Variants in DCDC1 observed in about 807,000 individuals in gnomAD.
The protein encoded by DCDC1 is doublecortin domain-containing protein 1.
In DCDC1, 200 loss-of-function variants were observed where a neutral mutation model predicts 178.3. The ratio of observed to expected loss-of-function variants is 1.12; its 90% CI spans 1.00 to 1.26. The LOEUF is 1.26. DCDC1 is among the 50% of genes most tolerant of loss of function. The pLI, the probability that DCDC1 is intolerant of heterozygous loss-of-function variation, is 0.00. For synonymous variants in DCDC1, 690 were observed against 604.8 expected (o/e 1.14, Z -2.07); for missense variants, 1,983 against 1,749.2 (o/e 1.13, Z -2.38).
chr11:31,228,850 C>T (rs1975367801), intron 9 of DCDC1, among the ~76,000 whole-genome samples: 1 of 151,786 alleles, frequency 6.6e-6, no homozygotes, highest in South Asian at 2.1e-4. Flanking sequence ...AATTATGTAA[C>T]ATAAATAGCT....
chr11:31,042,341 C>G (rs2135356400), intron 20 of DCDC1, among the ~76,000 whole-genome samples: 1 of 152,314 alleles, frequency 6.6e-6, no homozygotes, highest in Admixed American at 6.5e-5. Context: ...GTAATAACCA[C>G]ATATCCGATT....
chr11:30,887,424 C>A (rs917186304), intron 36 of DCDC1, among the ~76,000 whole-genome samples: 1 of 152,122 alleles, frequency 6.6e-6, no homozygotes, highest in Non-Finnish European at 1.5e-5. Context: ...AAATTGGCTT[C>A]TTTTAACAGA....
chr11:30,918,169 T>C (rs757984794), intron 25 of DCDC1, among the ~76,000 whole-genome samples: 56 of 152,260 alleles, frequency 3.7e-4, no homozygotes, highest in Admixed American at 1.6e-3. Flanking sequence ...GTTAGCAGGA[T>C]GCAAACAAGA....
intron 9 of DCDC1, among the ~76,000 whole-genome samples, chr11:31,194,813 A>T (rs1050362887): frequency 2.0e-5 from 3 of 152,106 alleles, no homozygotes; most frequent in Non-Finnish European, 1.5e-5. Flanking sequence ...TGGTATGTCA[A>T]AAGTTATAAA....
In DCDC1 at chr11:31,137,763, G is replaced by T. The variant is rs964759055; in HGVS notation, c.1243C>A (p.Gln415Lys). The T allele has an allele frequency of 1.4e-6, 1 of 702,440 alleles. No homozygotes were observed. Among genetic ancestry groups the T allele is most frequent in the Non-Finnish European group, 2.6e-6 (1 of 384,778 alleles). The allele number at this position is 702,440 out of a possible 1,614,324, so 43.5% of individuals were successfully genotyped here. The change falls in exon 10 of 39, where the codon CAG (glutamine) becomes AAG (lysine). Residue 415 changes from glutamine (Q) to lysine (K), a missense_variant. Transcript: ENST00000684477. ...ACTTTTTCTGTAATTTTCTCCTTCT[G>T]TTCATTCATGACCAGGTTCAACTAG... The part of the protein sequence containing the change: ...YKQLNLVMNE[Q>K]KEKITEKVIL...
intron 17 of DCDC1, among the ~76,000 whole-genome samples, chr11:31,087,634 T>C (rs553040355): frequency 6.6e-6 from 1 of 152,136 alleles, no homozygotes; most frequent in African/African-American, 2.4e-5. Flanking sequence ...ATCTGGGGGT[T>C]TTGCAGAAAA....
At chr11:31,190,025 T>C (rs1413768499) in intron 9 of DCDC1, among the ~76,000 whole-genome samples, 2 of 152,164 alleles carry the variant, frequency 1.3e-5, no homozygotes, top group African/African-American at 2.4e-5. Flanking sequence ...TCTATAAATA[T>C]AGTGACGAGT....
At chr11:31,022,399 G>T (rs778102235) in intron 20 of DCDC1, among the ~76,000 whole-genome samples, 20 of 152,050 alleles carry the variant, frequency 1.3e-4, no homozygotes, top group Non-Finnish European at 2.4e-4. Flanking sequence ...AGTCGTATTG[G>T]ATGGGAGCTC....
At chr11:30,994,884 T>C in intron 20 of DCDC1, among the ~76,000 whole-genome samples, 1 of 150,712 alleles carries the variant, frequency 6.6e-6, no homozygotes, top group Non-Finnish European at 1.5e-5. Context: ...TTTCATTTCT[T>C]ACTACTGCTA....
Position 31,181,279 on chromosome 11 carries a change from T to C in DCDC1, c.1222-43495A>G, listed in dbSNP as rs561141821. Among the ~76,000 whole-genome samples, 7 of 152,312 alleles carry C rather than the reference T, an allele frequency of 4.6e-5. No individual in the cohort carries two copies. In the East Asian group the frequency reaches 9.7e-4, roughly 21 times the overall value. Reference sequence around the variant, plus strand: ...GAGCACCTGGGGGAAGGGGAGGCTGTGGGTACAGCTTCAGCCAACTTAAAC... The same window carrying C: ...GAGCACCTGGGGGAAGGGGAGGCTGCGGGTACAGCTTCAGCCAACTTAAAC... On this transcript the variant is annotated intron_variant, in intron 9 of 38. Transcript: ENST00000684477.
At chr11:31,193,868 G>A (rs925491203) in intron 9 of DCDC1, among the ~76,000 whole-genome samples, 4 of 152,000 alleles carry the variant, frequency 2.6e-5, no homozygotes, top group African/African-American at 9.7e-5. Flanking sequence ...TATGGTTCCA[G>A]AACAAAGAAA....
intron 20 of DCDC1, among the ~76,000 whole-genome samples, chr11:30,997,424 C>A (rs78061570): frequency 6.6e-6 from 1 of 151,942 alleles, no homozygotes; most frequent in African/African-American, 2.4e-5. Flanking sequence ...AATAAATATA[C>A]AACATAACCT....
chr11:31,135,184 A>G (rs1028114415), intron 10 of DCDC1, among the ~76,000 whole-genome samples: 8 of 152,166 alleles, frequency 5.3e-5, no homozygotes, highest in African/African-American at 1.4e-4. Flanking sequence ...ATGATGTTTA[A>G]TTTGGGTTTT....
intron 25 of DCDC1, among the ~76,000 whole-genome samples, chr11:30,920,366 G>A (rs144673486): frequency 2.6e-5 from 4 of 152,160 alleles, no homozygotes; most frequent in South Asian, 2.1e-4. Context: ...AAGATATTAC[G>A]GCAATAGAGA....
At chr11:31,082,440 A>G (rs1241745435) in intron 17 of DCDC1, among the ~76,000 whole-genome samples, 1 of 152,106 alleles carries the variant, frequency 6.6e-6, no homozygotes, top group African/African-American at 2.4e-5. Context: ...TTTACAAGTG[A>G]GGGAACTGAG....
chr11:30,885,688 A>C (rs1432527807), intron 36 of DCDC1, among the ~76,000 whole-genome samples: 1 of 152,086 alleles, frequency 6.6e-6, no homozygotes, highest in East Asian at 1.9e-4. Flanking sequence ...AGTGCTGTTG[A>C]TATCTTCATG....
chr11:30,913,883 A>G (rs1432742560), intron 27 of DCDC1, among the ~76,000 whole-genome samples: 1 of 152,144 alleles, frequency 6.6e-6, no homozygotes, highest in Non-Finnish European at 1.5e-5. Context: ...ATGCATGTCC[A>G]CCCAAATTTA....
chr11:30,955,671 C>T (rs548768850), intron 20 of DCDC1, among the ~76,000 whole-genome samples: 18 of 152,216 alleles, frequency 1.2e-4, no homozygotes, highest in African/African-American at 4.1e-4. Context: ...CTCAACTCTT[C>T]CAGATTATCC....
intron 20 of DCDC1, among the ~76,000 whole-genome samples, chr11:31,032,347 A>T (rs914504575): frequency 6.6e-6 from 1 of 152,180 alleles, no homozygotes; most frequent in African/African-American, 2.4e-5. Context: ...TTTAATTTTA[A>T]TTCACCAGCT....
Sources: allele counts gnomAD v4.1 joint callset (sites outside exome capture counted in the v4.1 genomes callset), GRCh38; gene constraint gnomAD v4.1.1; transcripts MANE v1.5; gene names NCBI Gene and HGNC (gene_info 2026-07-23, HGNC 2026-07-21).